MTUS2: variants seen among roughly 807,000 people sequenced by gnomAD.
The protein encoded by MTUS2 is microtubule associated scaffold protein 2.
Under a neutral mutation model 114.1 loss-of-function variants are expected in MTUS2, and 40 were observed. The observed-to-expected ratio is 0.35, with a 90% CI of 0.27 to 0.46. The LOEUF (loss-of-function observed/expected upper bound fraction) is 0.46, where lower values mean the gene tolerates loss of function less well. Ranked by LOEUF, MTUS2 falls within the 20% of genes least tolerant of loss-of-function variation. The pLI is 1.00. For missense variants in MTUS2, 1,679 were observed against 1,705.4 expected (o/e 0.98, Z 0.27); for synonymous variants, 688 against 672.0 (o/e 1.02, Z -0.37).
chr13:29,024,792 C>G lies in MTUS2; in HGVS notation c.94C>G (p.Leu32Val), dbSNP rs1232366327. The G allele has an allele frequency of 6.2e-7, 1 of 1,614,000 alleles. No individual in the cohort carries two copies. The highest frequency in any genetic ancestry group is 8.5e-7 in the Non-Finnish European group (1 of 1,179,902). The change falls in exon 3 of 16, where the codon CTG becomes GTG. Residue 32 changes from leucine (L) to valine (V), a missense_variant. By Grantham distance (32) the Leu-to-Val change is conservative. Coordinates refer to ENST00000612955, the MANE Select transcript of MTUS2 (RefSeq NM_001033602.4). ...ARNNNESILS[L>V]GDTNANQIML... ...AAATAATAATGAAAGCATCTTAAGT[C>G]TGGGAGATACGAATGCCAATCAAAT...
rs908168290 is a variant in MTUS2, at chr13:29,286,648, ATCTG to A, written c.2806+4807_2806+4810del. ...GATTTCTGAAAGCCATGCACTATCT[ATCTG>A]TCTGTCTGTCTGTCTGTCTGTCTAT... On this transcript the variant is annotated intron_variant, in intron 6 of 15. Transcript: ENST00000612955. Among the ~76,000 whole-genome samples the A allele has an allele frequency of 2.8e-4, 41 of 146,068 alleles. No homozygotes were observed. The Middle Eastern group carries it at 0.01, about 37-fold the overall frequency.
intron 5 of MTUS2, among the ~76,000 whole-genome samples, chr13:29,260,537 T>C (rs536719931): frequency 6.6e-6 from 1 of 152,354 alleles, no homozygotes; most frequent in South Asian, 2.1e-4. Flanking sequence ...ACAAAAGAAT[T>C]TACAGCCTCT....
chr13:29,078,118 T>A (rs925501820), intron 4 of MTUS2, among the ~76,000 whole-genome samples: 1 of 114,132 alleles, frequency 8.8e-6, no homozygotes, highest in African/African-American at 3.3e-5. Context: ...GGGCAAAATC[T>A]TGTCAGAATA....
chr13:28,824,111 A>G (rs2137924184), intron 1 of MTUS2, among the ~76,000 whole-genome samples: 1 of 152,302 alleles, frequency 6.6e-6, no homozygotes, highest in South Asian at 2.1e-4. Context: ...TGTGTCTGGG[A>G]TCACCCAGCC....
chr13:28,845,790 G>C (rs1278681540), intron 2 of MTUS2, among the ~76,000 whole-genome samples: 2 of 151,880 alleles, frequency 1.3e-5, no homozygotes, highest in African/African-American at 2.4e-5. Flanking sequence ...CTCAGCTCTG[G>C]CATTTTTTAG....
At chr13:28,962,296 C>T (rs1883367501) in intron 2 of MTUS2, among the ~76,000 whole-genome samples, 1 of 152,012 alleles carries the variant, frequency 6.6e-6, no homozygotes, top group Admixed American at 6.6e-5. Context: ...TCTTCTCTCC[C>T]CTCTCCCACA....
chr13:28,975,561 C>A (rs1352233751), intron 2 of MTUS2, among the ~76,000 whole-genome samples: 1 of 152,166 alleles, frequency 6.6e-6, no homozygotes, highest in East Asian at 1.9e-4. Context: ...ACCACCTTGA[C>A]AGTGTGGTCA....
chr13:29,142,059 A>G (rs548658971), intron 5 of MTUS2, among the ~76,000 whole-genome samples: 2 of 151,848 alleles, frequency 1.3e-5, no homozygotes, highest in Non-Finnish European at 1.5e-5. Flanking sequence ...ACGGGGTTTC[A>G]CTGTGTTAGC....
intron 4 of MTUS2, among the ~76,000 whole-genome samples, chr13:29,036,195 C>G (rs1384908184): frequency 6.6e-6 from 1 of 151,552 alleles, no homozygotes; most frequent in Non-Finnish European, 1.5e-5. Flanking sequence ...GCTAAGATTC[C>G]ACATGGAGGC....
intron 2 of MTUS2, among the ~76,000 whole-genome samples, chr13:28,940,713 A>G (rs1486558921): frequency 6.6e-6 from 1 of 152,188 alleles, no homozygotes; most frequent in Non-Finnish European, 1.5e-5. Context: ...TAAAGAAGGA[A>G]ATAGTGAACT....
At chr13:29,453,575 G>C (rs560035807) in intron 9 of MTUS2, among the ~76,000 whole-genome samples, 1 of 152,060 alleles carries the variant, frequency 6.6e-6, no homozygotes, top group African/African-American at 2.4e-5. Flanking sequence ...TTGTAACCCA[G>C]TCAGGGGTTC....
chr13:29,149,848 C>T (rs7999914), intron 5 of MTUS2, among the ~76,000 whole-genome samples: 152,176 of 152,250 alleles, frequency 1, 76,051 homozygotes, highest in Non-Finnish European at 1. Flanking sequence ...ATTTCTGGAT[C>T]CTCTATTCTG....
intron 4 of MTUS2, among the ~76,000 whole-genome samples, chr13:29,076,945 A>C (rs1889219167): frequency 6.6e-6 from 1 of 152,294 alleles, no homozygotes; most frequent in African/African-American, 2.4e-5. Context: ...GGTGTTTATT[A>C]TATGTTAGGC....
At chr13:29,287,864 C>A (rs539216007) in intron 6 of MTUS2, among the ~76,000 whole-genome samples, 1 of 152,308 alleles carries the variant, frequency 6.6e-6, no homozygotes, top group African/African-American at 2.4e-5. Flanking sequence ...GACACGATTC[C>A]TGTCCCCACA....
At position 28,896,774 on chromosome 13, in the gene MTUS2, C is replaced by A. The variant is rs1333834422; in HGVS notation, c.-243+56924C>A. Among the ~76,000 whole-genome samples the A allele has an allele frequency of 4.6e-5, 7 of 152,198 alleles. No homozygotes were observed. The South Asian group carries it at 8.3e-4, about 18-fold the overall frequency. ...ATATCTACAACCATCTGATCTTTGA[C>A]AAACCTGACAAAAACAAGAAATGGA... On this transcript the variant is annotated intron_variant, in intron 2 of 15. Coordinates refer to ENST00000612955, the MANE Select transcript of MTUS2 (RefSeq NM_001033602.4).
In MTUS2 at chr13:29,389,301, A is replaced by G. The variant is rs1233388233; in HGVS notation, c.3117+29828A>G. ...TATATGTATACACATATGTGTGTAT[A>G]TGTGTATATATGTATACACATATGT... On this transcript the variant is annotated intron_variant, in intron 8 of 15. Transcript: ENST00000612955. 7.3e-5 allele frequency among the ~76,000 whole-genome samples: 10 copies of G among 136,636 alleles called. 2 individuals are homozygous for G. Among genetic ancestry groups the G allele is most frequent in the African/African-American group, 3.0e-4 (9 of 30,046 alleles). The allele number at this position is 136,636 out of a possible 152,430, so 89.6% of individuals were successfully genotyped here.
intron 8 of MTUS2, among the ~76,000 whole-genome samples, chr13:29,394,229 T>C (rs1317880863): frequency 6.6e-6 from 1 of 152,020 alleles, no homozygotes; most frequent in African/African-American, 2.4e-5. Context: ...GTGCCCAAGG[T>C]GATTGGGTTA....
chr13:29,385,388 C>T (rs1272362830), intron 8 of MTUS2, among the ~76,000 whole-genome samples: 5 of 152,190 alleles, frequency 3.3e-5, no homozygotes, highest in Admixed American at 2.6e-4. Context: ...CCCAAATGCC[C>T]AGGCACAGAG....
At position 29,158,290 on chromosome 13, in the gene MTUS2, A is replaced by G. The variant is rs552586806; in HGVS notation, c.2644+57320A>G. The stretch of plus-strand genomic sequence containing the variant: ...GTGACTTTCATGTACTTTCGTATTT[A>G]CACCTCGCCACAATTCCACGAGATA... On this transcript the variant is annotated intron_variant, in intron 5 of 15. Transcript: ENST00000612955. 4.4e-4 allele frequency among the ~76,000 whole-genome samples: 65 copies of G among 148,798 alleles called. 2 individuals carry two copies. In the East Asian group the frequency reaches 0.012, roughly 27 times the overall value.
Sources: allele counts gnomAD v4.1 joint callset (sites outside exome capture counted in the v4.1 genomes callset), GRCh38; gene constraint gnomAD v4.1.1; transcripts MANE v1.5; gene names NCBI Gene and HGNC (gene_info 2026-07-23, HGNC 2026-07-21).